Variants in ASTN2 observed in about 807,000 individuals in gnomAD.
ASTN2 encodes the protein astrotactin-2.
In ASTN2, 54 loss-of-function variants were observed where a neutral mutation model predicts 139.8. That is an observed-to-expected ratio of 0.39 (90% CI 0.31 to 0.48). The LOEUF is 0.48. Among genes scored for constraint, ASTN2 ranks in the 20% least tolerant of loss-of-function variants. The pLI, the probability that ASTN2 is intolerant of heterozygous loss-of-function variation, is 0.95. For synonymous variants in ASTN2, 756 were observed against 719.5 expected (o/e 1.05, Z -0.81); for missense variants, 1,565 against 1,725.1 (o/e 0.91, Z 1.64).
chr9:116,916,717 G>A lies in ASTN2; in HGVS notation c.1890-52984C>T, dbSNP rs1391994963. ...TAACTAGGTGTGGTGGTGTGTGCCT[G>A]TGGCCCCAGCTACTTGGGAGGCTGA... On this transcript the variant is annotated intron_variant, in intron 10 of 22. Transcript: ENST00000313400. Among the ~76,000 whole-genome samples, 12 of 152,112 alleles carry A rather than the reference G, an allele frequency of 7.9e-5. No individual in the cohort carries two copies. In the East Asian group the frequency reaches 2.3e-3, roughly 29 times the overall value.
rs534229937 is a variant in ASTN2 at position 117,277,192 on chromosome 9, C to T, written c.630+14134G>A. Reference sequence around the variant, plus strand: ...GTCAAGGGCATACAGTAGCTGCACGCCCCTGCTAGAACCTCCAAACAAGCT... The same window carrying T: ...GTCAAGGGCATACAGTAGCTGCACGTCCCTGCTAGAACCTCCAAACAAGCT... On this transcript the variant is annotated intron_variant, in intron 2 of 22. Transcript: ENST00000313400. 2.6e-5 allele frequency: 4 copies of T among 152,314 alleles called. No individual in the cohort carries two copies. The East Asian group carries it at 5.8e-4, about 22-fold the overall frequency. The allele number at this position is 152,314 out of a possible 1,614,324, so 9.4% of individuals were successfully genotyped here.
chr9:117,016,046 A>G (rs374952582), intron 6 of ASTN2, among the ~76,000 whole-genome samples: 171 of 152,312 alleles, frequency 1.1e-3, no homozygotes, highest in African/African-American at 3.9e-3. Flanking sequence ...TACTGTTTAT[A>G]TACTATGCTT....
chr9:116,494,732 T>C (rs920612846), intron 19 of ASTN2, among the ~76,000 whole-genome samples: 3 of 152,202 alleles, frequency 2.0e-5, no homozygotes, highest in Non-Finnish European at 2.9e-5. Flanking sequence ...CTTTTGCAGA[T>C]GAGGAAACAG....
At chr9:116,615,987 G>A (rs1424663961) in intron 19 of ASTN2, among the ~76,000 whole-genome samples, 1 of 152,122 alleles carries the variant, frequency 6.6e-6, no homozygotes, top group Admixed American at 6.6e-5. Flanking sequence ...AAATGCCTGA[G>A]ATTAGAAAAA....
At chr9:117,157,348 A>C (rs1038624315) in intron 3 of ASTN2, among the ~76,000 whole-genome samples, 1 of 152,038 alleles carries the variant, frequency 6.6e-6, no homozygotes, top group African/African-American at 2.4e-5. Flanking sequence ...AGCCTGGTGG[A>C]AGCCAATCAT....
intron 13 of ASTN2, among the ~76,000 whole-genome samples, chr9:116,800,230 T>C (rs117543455): frequency 6.6e-6 from 1 of 152,222 alleles, no homozygotes; most frequent in East Asian, 1.9e-4. Context: ...CTGCTCTACA[T>C]CTCTTCTTAA....
intron 19 of ASTN2, among the ~76,000 whole-genome samples, chr9:116,553,728 C>T (rs1290305423): frequency 6.6e-6 from 1 of 152,198 alleles, no homozygotes; most frequent in Admixed American, 6.5e-5. Flanking sequence ...TTACCTAGCA[C>T]ACCTAGCCAC....
At chr9:117,163,779 C>T (rs1225882897) in intron 3 of ASTN2, among the ~76,000 whole-genome samples, 1 of 151,906 alleles carries the variant, frequency 6.6e-6, no homozygotes, top group East Asian at 1.9e-4. Flanking sequence ...CTTTTTTCCC[C>T]CAACGGGTTA....
At chr9:116,573,150 CA>C (rs1389510291) in intron 19 of ASTN2, among the ~76,000 whole-genome samples, 1 of 152,130 alleles carries the variant, frequency 6.6e-6, no homozygotes, top group Non-Finnish European at 1.5e-5. Context: ...GAAACACAAC[CA>C]AAGGCACCAT....
chr9:116,936,123 TAC>T (rs1835064087), intron 10 of ASTN2, among the ~76,000 whole-genome samples: 3 of 1,522 alleles, frequency 2.0e-3, no homozygotes, highest in East Asian at 0.017. Context: ...CCACCACCAC[TAC>T]CACCACCACC....
chr9:116,863,836 A>T, intron 10 of ASTN2, 103 bp from the exon 11 acceptor site: 1 of 1,220,742 alleles, frequency 8.2e-7, no homozygotes. Flanking sequence ...ACTTACTTAT[A>T]ATCAGGAAAA....
At chr9:116,615,479 T>C (rs1855796072) in intron 19 of ASTN2, among the ~76,000 whole-genome samples, 1 of 152,122 alleles carries the variant, frequency 6.6e-6, no homozygotes, top group African/African-American at 2.4e-5. Flanking sequence ...CCAACCCAAA[T>C]GTCCAACAAT....
In ASTN2 at chr9:116,651,722, T is replaced by C; in HGVS notation, c.2878A>G (p.Thr960Ala). 1 of 1,614,144 alleles carries C rather than the reference T, an allele frequency of 6.2e-7. No individual in the cohort carries two copies. Among genetic ancestry groups the C allele is most frequent in the African/African-American group, 1.3e-5 (1 of 75,034 alleles). ...TGGTCATCTGACAGCATCTGGGCTG[T>C]CAGCAAACCTGAGAGGTAGGTGATG... ...PFITYLSGLL[T>A]AQMLSDDQLI... is the part of the protein sequence containing the mutation. The change falls in exon 17 of 23, where the codon ACA becomes GCA. Residue 960 changes from threonine (T) to alanine (A), a missense_variant. This residue lies in a region of ASTN2 where 48 missense variants were observed against 90.7 expected (regional missense o/e 0.53). Coordinates refer to ENST00000313400, the MANE Select transcript of ASTN2 (RefSeq NM_001365068.1).
chr9:116,919,121 G>A (rs1834529351), intron 10 of ASTN2, among the ~76,000 whole-genome samples: 1 of 152,082 alleles, frequency 6.6e-6, no homozygotes. Context: ...AGTGTGCTAT[G>A]GCACAGAGCC....
chr9:116,425,880 T>G lies in ASTN2; in HGVS notation c.3991A>C (p.Asn1331His). ...CEEKMVSMAR[N>H]TYGESKGR Reference sequence around the variant, plus strand: ...CGGCCCTTGGACTCCCCGTACGTGTTTCGGGCCATTGACACCATCTTCTCC... The same window carrying G: ...CGGCCCTTGGACTCCCCGTACGTGTGTCGGGCCATTGACACCATCTTCTCC... Residue 1331 changes from asparagine to histidine, a missense_variant, in exon 23 of 23, where the codon AAC becomes CAC. Transcript: ENST00000313400. 1 of 1,614,118 alleles carries G rather than the reference T, an allele frequency of 6.2e-7. No individual in the cohort carries two copies. The highest frequency in any genetic ancestry group is 8.5e-7 in the Non-Finnish European group (1 of 1,180,014).
At chr9:116,944,810 A>G (rs1190620975) in intron 10 of ASTN2, among the ~76,000 whole-genome samples, 1 of 151,972 alleles carries the variant, frequency 6.6e-6, no homozygotes, top group East Asian at 1.9e-4. Flanking sequence ...GTTGGATATG[A>G]GGCTTGAGCT....
intron 22 of ASTN2, 127 bp from the exon 23 acceptor site, chr9:116,426,215 G>C: frequency 3.3e-6 from 4 of 1,209,880 alleles, no homozygotes; most frequent in Non-Finnish European, 4.6e-6. Context: ...CCAGATTGGA[G>C]TGTGGTACTT....
intron 19 of ASTN2, among the ~76,000 whole-genome samples, chr9:116,573,144 C>G (rs1853591458): frequency 1.3e-5 from 2 of 152,160 alleles, no homozygotes; most frequent in South Asian, 4.1e-4. Context: ...ATAGAAGAAA[C>G]ACAACCAAAG....
chr9:117,256,123 T>G (rs895507486), intron 2 of ASTN2, among the ~76,000 whole-genome samples: 5 of 152,170 alleles, frequency 3.3e-5, no homozygotes, highest in Non-Finnish European at 7.4e-5. Flanking sequence ...AGATGACTGT[T>G]TTCTCTGTTT....
Sources: gnomAD v4.1 joint callset for allele counts (sites outside exome capture counted in the v4.1 genomes callset) on GRCh38, gnomAD v4.1.1 for gene constraint, gnomAD v4.1.1 regional missense constraint, MANE v1.5 for transcripts, NCBI Gene and HGNC (gene_info 2026-07-23, HGNC 2026-07-21) for gene names.